AGBL3: variants seen among roughly 807,000 people sequenced by gnomAD.
The protein encoded by AGBL3 is AGBL carboxypeptidase 3.
A neutral mutation model predicts 94.5 loss-of-function variants in AGBL3; 68 were observed. That is an observed-to-expected ratio of 0.72 (90% confidence interval 0.59 to 0.88). AGBL3 has a LOEUF of 0.88. Ranked by LOEUF, AGBL3 falls within the 40% of genes least tolerant of loss-of-function variation. The pLI is 0.00. For missense variants in AGBL3, 934 were observed against 1,103.8 expected, an observed-to-expected ratio of 0.85 and a Z score of 2.18; for synonymous variants, 354 against 370.7, an observed-to-expected ratio of 0.95 and a Z score of 0.52.
chr7:135,070,826 T>C (rs1819836594), intron 12 of AGBL3, among the ~76,000 whole-genome samples: 1 of 152,142 alleles, frequency 6.6e-6, no homozygotes, highest in Admixed American at 6.6e-5. Flanking sequence ...AAGACAGGGA[T>C]GCCCTCTGTC....
At chr7:135,067,987 G>GA (rs1210356680) in intron 12 of AGBL3, among the ~76,000 whole-genome samples, 12 of 151,720 alleles carry the variant, frequency 7.9e-5, no homozygotes, top group Non-Finnish European at 1.8e-4. Context: ...TAAAAACCTT[G>GA]AAAAAAATTA....
chr7:135,109,613 C>T (rs188293248), intron 15 of AGBL3, among the ~76,000 whole-genome samples: 1 of 152,220 alleles, frequency 6.6e-6, no homozygotes, highest in Non-Finnish European at 1.5e-5. Context: ...CCACCCCTCC[C>T]TCTGGGAGCT....
chr7:135,082,985 C>T (rs1261616151), intron 15 of AGBL3, among the ~76,000 whole-genome samples: 1 of 152,110 alleles, frequency 6.6e-6, no homozygotes, highest in Non-Finnish European at 1.5e-5. Context: ...TGCTCTTCCT[C>T]ACATATTCTC....
intron 15 of AGBL3, among the ~76,000 whole-genome samples, chr7:135,106,218 T>C (rs904621284): frequency 6.6e-6 from 1 of 152,210 alleles, no homozygotes; most frequent in Admixed American, 6.5e-5. Flanking sequence ...ATGCTCTTTA[T>C]TTCTTTATCT....
chr7:135,061,061 C>CT (rs138992892), intron 12 of AGBL3, among the ~76,000 whole-genome samples: 36,113 of 148,130 alleles, frequency 0.24, 4,518 homozygotes, highest in Middle Eastern at 0.33. Flanking sequence ...CACTAATTAT[C>CT]TTTTTTTTTT....
At chr7:135,106,132 T>A (rs1824678478) in intron 15 of AGBL3, among the ~76,000 whole-genome samples, 1 of 152,208 alleles carries the variant, frequency 6.6e-6, no homozygotes, top group African/African-American at 2.4e-5. Flanking sequence ...AAGGAGCTTT[T>A]GGGCCAAGAC....
chr7:135,027,780 C>T (rs1288629838), intron 5 of AGBL3, among the ~76,000 whole-genome samples: 1 of 151,472 alleles, frequency 6.6e-6, no homozygotes, highest in African/African-American at 2.4e-5. Context: ...AGATGGACAC[C>T]CTAAACACCT....
chr7:135,034,005 A>T, intron 6 of AGBL3, 144 bp from the exon 7 acceptor site: 1 of 748,456 alleles, frequency 1.3e-6, no homozygotes, highest in Non-Finnish European at 2.0e-6. Context: ...TTTATCGTTT[A>T]CATTGTTTCC....
At position 135,082,342 on chromosome 7, in the gene AGBL3, T is replaced by A. The variant is rs1820990317; in HGVS notation, c.2110+552T>A. Among the ~76,000 whole-genome samples the A allele has an allele frequency of 2.0e-5, 3 of 152,144 alleles. No homozygotes were observed. In the South Asian group the frequency reaches 6.2e-4, roughly 32 times the overall value. The stretch of plus-strand genomic sequence containing the variant: ...CAATTGTAATACCTTCTCTATTTTT[T>A]AAAAAGCTGTCATTTATTTCCCTGA... On this transcript the variant is annotated intron_variant, in intron 15 of 16. Coordinates refer to ENST00000436302, the MANE Select transcript of AGBL3 (RefSeq NM_178563.4).
At chr7:135,102,143 A>T (rs1823930340) in intron 15 of AGBL3, among the ~76,000 whole-genome samples, 1 of 152,174 alleles carries the variant, frequency 6.6e-6, no homozygotes. Context: ...GACTAATACA[A>T]TGGTAATTCA....
At chr7:135,066,887 G>C (rs1819362912) in intron 12 of AGBL3, among the ~76,000 whole-genome samples, 1 of 152,156 alleles carries the variant, frequency 6.6e-6, no homozygotes, top group Non-Finnish European at 1.5e-5. Flanking sequence ...CGGACAGTGG[G>C]TGCAGGACAG....
In AGBL3 at chr7:134,987,870, C is replaced by T; in HGVS notation, c.-59-5C>T. ...AAAAGAAAAGCTGTCATATAATTTC[C>T]TTAGAAATTGTTTTACAGCCTACCC... On this transcript the variant is annotated splice_polypyrimidine_tract_variant and splice_region_variant and intron_variant, in intron 1 of 16. Coordinates refer to ENST00000436302, the MANE Select transcript of AGBL3 (RefSeq NM_178563.4). 1 of 1,226,220 alleles carries T rather than the reference C, an allele frequency of 8.2e-7. No individual in the cohort carries two copies. 76.0% of individuals were successfully genotyped at this position (1,226,220 alleles called of 1,614,324 possible). A position where few individuals can be genotyped will look rare whatever the true frequency, so the allele number is the denominator to read the frequency against.
chr7:135,106,350 T>C (rs1213125490), intron 15 of AGBL3, among the ~76,000 whole-genome samples: 2 of 152,228 alleles, frequency 1.3e-5, no homozygotes, highest in African/African-American at 4.8e-5. Context: ...AGTACGATGT[T>C]GGCTGTGGGC....
intron 15 of AGBL3, among the ~76,000 whole-genome samples, chr7:135,091,972 A>G (rs949559403): frequency 1.3e-5 from 2 of 152,242 alleles, no homozygotes; most frequent in African/African-American, 4.8e-5. Flanking sequence ...ATGATTTCTT[A>G]AAGAATTTAA....
chr7:135,026,175 T>A (rs1041286772), intron 5 of AGBL3, among the ~76,000 whole-genome samples: 1 of 151,120 alleles, frequency 6.6e-6, no homozygotes, highest in East Asian at 2.1e-4. Context: ...ACTCAATAAA[T>A]TAAAAAAAAT....
chr7:135,070,069 A>G lies in AGBL3; in HGVS notation c.1909-6328A>G, dbSNP rs577274463. ...TCACCACCAATGCCACAGAAATACA[A>G]ACTACCATCAGAGAATACTATAAAC... On this transcript the variant is annotated intron_variant, in intron 12 of 16. Coordinates refer to ENST00000436302, the MANE Select transcript of AGBL3 (RefSeq NM_178563.4). Among the ~76,000 whole-genome samples, 14 of 152,318 alleles carry G rather than the reference A, an allele frequency of 9.2e-5. No homozygotes were observed. The East Asian group carries it at 2.5e-3, about 27-fold the overall frequency.
intron 8 of AGBL3, among the ~76,000 whole-genome samples, chr7:135,038,958 CAAAAA>C (rs34474456): frequency 7.7e-6 from 1 of 129,074 alleles, no homozygotes; most frequent in Non-Finnish European, 1.7e-5. Context: ...GACTTTGTCT[CAAAAA>C]AAAAAAAAAA....
intron 15 of AGBL3, among the ~76,000 whole-genome samples, chr7:135,103,988 C>G (rs1415917764): frequency 6.6e-6 from 1 of 151,970 alleles, no homozygotes; most frequent in East Asian, 1.9e-4. Flanking sequence ...TATAGGTAAA[C>G]TTATGTCATG....
intron 12 of AGBL3, among the ~76,000 whole-genome samples, chr7:135,073,167 G>T (rs1037732582): frequency 6.6e-6 from 1 of 151,980 alleles, no homozygotes; most frequent in South Asian, 2.1e-4. Context: ...GTTAGTCAAG[G>T]GTATAAACTT....
Sources: gnomAD v4.1 joint callset for allele counts (sites outside exome capture counted in the v4.1 genomes callset) on GRCh38, gnomAD v4.1.1 for gene constraint, MANE v1.5 for transcripts, NCBI Gene and HGNC (gene_info 2026-07-23, HGNC 2026-07-21) for gene names.